LNX2: variants seen among roughly 807,000 people sequenced by gnomAD.
LNX2 encodes the protein ligand of Numb protein X 2.
Under a neutral mutation model 66.2 loss-of-function variants are expected in LNX2, and 35 were observed. The ratio of observed to expected loss-of-function variants is 0.53; its 90% CI spans 0.40 to 0.70. The LOEUF (loss-of-function observed/expected upper bound fraction) is 0.70. Among genes scored for constraint, LNX2 ranks in the 30% least tolerant of loss-of-function variants. LNX2 has a pLI of 0.00. For synonymous variants in LNX2, 337 were observed against 315.6 expected, an observed-to-expected ratio of 1.07 and a Z score of -0.72; for missense variants, 791 against 850.8, an observed-to-expected ratio of 0.93 and a Z score of 0.87.
chr13:27,559,895 T>A lies in LNX2; in HGVS notation c.1315A>T (p.Ser439Cys). 1 of 1,611,714 alleles carries A rather than the reference T, an allele frequency of 6.2e-7. No individual in the cohort carries two copies. The highest frequency in any genetic ancestry group is 2.2e-5 in the East Asian group (1 of 44,816). ...GGTGGTGGTGTGTGGTGCTGGCTGC[T>A]GCTGCTATGATTTCCTGCTTCTCTA... ...TIREAGNHSS[S>C]SQHHTPPPYY... Residue 439 changes from serine to cysteine, a missense_variant, in exon 6 of 10, where the codon AGC becomes TGC. Ser to Cys is a moderately radical substitution (Grantham distance 112). Transcript: ENST00000316334.
At chr13:27,564,012 A>G (rs1955173474) in intron 4 of LNX2, among the ~76,000 whole-genome samples, 1 of 152,248 alleles carries the variant, frequency 6.6e-6, no homozygotes, top group Admixed American at 6.5e-5. Context: ...AGCAGCTTCT[A>G]AAAATCCACG....
At chr13:27,564,057 A>C (rs1955173910) in intron 4 of LNX2, among the ~76,000 whole-genome samples, 1 of 152,208 alleles carries the variant, frequency 6.6e-6, no homozygotes, top group South Asian at 2.1e-4. Context: ...CACCATTTCC[A>C]ACTATTTAGC....
chr13:27,596,316 G>A (rs181566102), intron 1 of LNX2, among the ~76,000 whole-genome samples: 81 of 152,156 alleles, frequency 5.3e-4, no homozygotes, highest in Admixed American at 1.4e-3. Context: ...CCATCAAAAC[G>A]TATACACACA....
intron 1 of LNX2, among the ~76,000 whole-genome samples, chr13:27,602,579 A>G (rs1299013101): frequency 1.3e-5 from 2 of 152,176 alleles, no homozygotes; most frequent in Non-Finnish European, 2.9e-5. Flanking sequence ...TTGGCAGTAT[A>G]TCACTGTATT....
intron 5 of LNX2, among the ~76,000 whole-genome samples, 165 bp downstream of exon 5, chr13:27,562,248 T>C (rs1033570666): frequency 1.3e-5 from 2 of 152,158 alleles, no homozygotes. Flanking sequence ...CTATCTCCAA[T>C]GAAGTTATAC....
intron 4 of LNX2, among the ~76,000 whole-genome samples, chr13:27,564,961 A>G (rs1955187114): frequency 6.6e-6 from 1 of 152,210 alleles, no homozygotes; most frequent in Admixed American, 6.5e-5. Flanking sequence ...GTCAGGGCCT[A>G]TAATAGGAGA....
rs150956735 is a variant in LNX2, at chr13:27,594,896, G to A, written c.-100-13093C>T. 5.3e-5 allele frequency among the ~76,000 whole-genome samples: 8 copies of A among 152,084 alleles called. No homozygotes were observed. In the East Asian group the frequency reaches 1.4e-3, roughly 26 times the overall value. On this transcript the variant is annotated intron_variant, in intron 1 of 9. Transcript: ENST00000316334. ...TGTTGCACCTACTCTTTTAGCAAAC[G>A]CAGAAGGTTTTCCCGTCTTTTTTCT...
At chr13:27,559,805 C>T (rs530764202) in intron 6 of LNX2, 37 bp downstream of exon 6, 9 of 1,475,240 alleles carry the variant, frequency 6.1e-6, no homozygotes, top group African/African-American at 4.3e-5. Context: ...AACAATGATC[C>T]TTTGATGGTG....
chr13:27,556,156 T>C (rs1955057341), intron 7 of LNX2, 80 bp downstream of exon 7: 2 of 1,335,910 alleles, frequency 1.5e-6, no homozygotes, highest in East Asian at 2.5e-5. Flanking sequence ...ATAGATACTT[T>C]GTAGATATTC....
intron 2 of LNX2, among the ~76,000 whole-genome samples, chr13:27,573,443 TAAAAA>T (rs60543818): frequency 6.8e-6 from 1 of 146,804 alleles, no homozygotes; most frequent in Non-Finnish European, 1.5e-5. Context: ...AAGCATTGGT[TAAAAA>T]AAAAAAAAAA....
chr13:27,560,391 A>G (rs946477555), intron 5 of LNX2, among the ~76,000 whole-genome samples: 1 of 152,130 alleles, frequency 6.6e-6, no homozygotes, highest in Non-Finnish European at 1.5e-5. Flanking sequence ...ATTAAAGTCC[A>G]TTGTGACTTT....
chr13:27,573,492 G>A (rs937388362), intron 2 of LNX2, among the ~76,000 whole-genome samples: 2 of 151,728 alleles, frequency 1.3e-5, no homozygotes, highest in East Asian at 3.9e-4. Context: ...GTGGCTGCCT[G>A]AAGACAAATA....
Position 27,569,253 on chromosome 13 carries a change from C to A in LNX2, c.431G>T (p.Arg144Ile), listed in dbSNP as rs1181366340. The change falls in exon 3 of 10, where the codon AGA becomes ATA. Residue 144 changes from arginine (R) to isoleucine (I), a missense_variant. Coordinates refer to ENST00000316334, the MANE Select transcript of LNX2 (RefSeq NM_153371.4). Reference protein sequence around the residue: ...KNRCPGASHRRVALERRKTSR... With the variant: ...KNRCPGASHRIVALERRKTSR... Reference sequence around the variant, plus strand: ...AGTTTTCCTTCTCTCCAGGGCAACTCTCCGATGAGAAGCTCCAGGACATCT... The same window carrying A: ...AGTTTTCCTTCTCTCCAGGGCAACTATCCGATGAGAAGCTCCAGGACATCT... 6.2e-7 allele frequency: 1 copy of A among 1,613,112 alleles called. No homozygotes were observed. The highest frequency in any genetic ancestry group is 1.3e-5 in the African/African-American group (1 of 74,906).
chr13:27,583,266 T>G lies in LNX2; in HGVS notation c.-100-1463A>C, dbSNP rs1288609723. ...TGTGTGTGTGTGTGTGCGCGCGTCCTCTCCAACATACTTATTTTTAAGTTC... is the reference window on the plus strand; with the variant it reads ...TGTGTGTGTGTGTGTGCGCGCGTCCGCTCCAACATACTTATTTTTAAGTTC... On this transcript the variant is annotated intron_variant, in intron 1 of 9. Transcript: ENST00000316334. Among the ~76,000 whole-genome samples the G allele has an allele frequency of 1.1e-3, 21 of 19,580 alleles. 4 individuals are homozygous for G. The highest frequency in any genetic ancestry group is 3.1e-3 in the African/African-American group (11 of 3,540). The allele number at this position is 19,580 out of a possible 152,430, so 12.8% of individuals were successfully genotyped here.
At chr13:27,588,996 G>A (rs1433673593) in intron 1 of LNX2, among the ~76,000 whole-genome samples, 2 of 152,176 alleles carry the variant, frequency 1.3e-5, no homozygotes, top group African/African-American at 2.4e-5. Context: ...CAAAAAGAGT[G>A]AGAAAGGCAT....
intron 5 of LNX2, 149 bp downstream of exon 5, chr13:27,562,264 T>A: frequency 1.1e-6 from 1 of 919,682 alleles, no homozygotes. Flanking sequence ...TATACTAGTG[T>A]GGATTTTAAA....
At chr13:27,575,437 A>T (rs1325074103) in intron 2 of LNX2, among the ~76,000 whole-genome samples, 1 of 152,180 alleles carries the variant, frequency 6.6e-6, no homozygotes, top group Non-Finnish European at 1.5e-5. Context: ...TATAAAGTAG[A>T]TTGCCCTCCC....
chr13:27,588,106 T>G (rs896058569), intron 1 of LNX2, among the ~76,000 whole-genome samples: 1 of 151,822 alleles, frequency 6.6e-6, no homozygotes, highest in Non-Finnish European at 1.5e-5. Context: ...CTGGACAAGT[T>G]TGGCAGTTTC....
chr13:27,566,784 C>T (rs918480395), intron 4 of LNX2, among the ~76,000 whole-genome samples: 3 of 152,098 alleles, frequency 2.0e-5, no homozygotes, highest in Non-Finnish European at 2.9e-5. Context: ...GGAGTCCCTG[C>T]GCTTGGGTTG....
Sources: allele counts gnomAD v4.1 joint callset (sites outside exome capture counted in the v4.1 genomes callset), GRCh38; gene constraint gnomAD v4.1.1; transcripts MANE v1.5; gene names NCBI Gene and HGNC (gene_info 2026-07-23, HGNC 2026-07-21).